CKAP5: variants seen among roughly 807,000 people sequenced by gnomAD.
CKAP5 encodes cytoskeleton associated protein 5, also known as cytoskeleton-associated protein 5.
In CKAP5, 27 loss-of-function variants were observed where a neutral mutation model predicts 232.8. The observed-to-expected ratio is 0.12, with a 90% confidence interval of 0.09 to 0.16. The LOEUF (loss-of-function observed/expected upper bound fraction) is 0.16. Among genes scored for constraint, CKAP5 ranks in the 10% least tolerant of loss-of-function variants. CKAP5 has a pLI of 1.00. For synonymous variants in CKAP5, 785 were observed against 841.1 expected (o/e 0.93, Z 1.16); for missense variants, 1,838 against 2,424.7 (o/e 0.76, Z 5.08).
chr11:46,829,829 C>CTTTT (rs777216381), intron 1 of CKAP5, among the ~76,000 whole-genome samples: 2 of 128,026 alleles, frequency 1.6e-5, no homozygotes. Flanking sequence ...AGTCTAATTC[C>CTTTT]TTTTTTGTAT....
intron 1 of CKAP5, among the ~76,000 whole-genome samples, chr11:46,831,861 CTTTT>C (rs71042624): frequency 1.7e-5 from 2 of 119,054 alleles, no homozygotes; most frequent in Admixed American, 9.5e-5. Context: ...TAAACTTATC[CTTTT>C]TTTTTTTTTT....
intron 31 of CKAP5, 168 bp from the exon 32 acceptor site, chr11:46,762,361 G>T: frequency 1.1e-6 from 1 of 886,824 alleles, no homozygotes; most frequent in Non-Finnish European, 1.9e-6. Context: ...TGGTATTTCA[G>T]CAAGTGCTCC....
chr11:46,808,339 A>G (rs1218254858), intron 7 of CKAP5, among the ~76,000 whole-genome samples, 195 bp from the exon 8 acceptor site: 1 of 152,204 alleles, frequency 6.6e-6, no homozygotes, highest in Admixed American at 6.5e-5. Context: ...CAGGAGATCG[A>G]GACCATCCTG....
chr11:46,815,744 T>C (rs188797473), intron 4 of CKAP5, among the ~76,000 whole-genome samples: 65 of 152,364 alleles, frequency 4.3e-4, no homozygotes, highest in Middle Eastern at 3.4e-3. Flanking sequence ...ACTTTCCTTA[T>C]TCAGGTCACT....
intron 1 of CKAP5, among the ~76,000 whole-genome samples, chr11:46,831,928 G>A (rs1008956355): frequency 3.3e-5 from 5 of 150,290 alleles, no homozygotes; most frequent in African/African-American, 7.4e-5. Context: ...GCAGTAGCAG[G>A]AACATGGCTC....
intron 1 of CKAP5, among the ~76,000 whole-genome samples, chr11:46,841,267 CAA>C (rs763747323): frequency 2.3e-4 from 24 of 105,420 alleles, no homozygotes; most frequent in Non-Finnish European, 2.4e-4. Context: ...AATTCTGTCT[CAA>C]AAAAAAAAAA....
intron 32 of CKAP5, among the ~76,000 whole-genome samples, chr11:46,761,786 T>C (rs1388730933): frequency 6.6e-6 from 1 of 152,214 alleles, no homozygotes; most frequent in Non-Finnish European, 1.5e-5. Flanking sequence ...TTGCTATGAA[T>C]AGAATGCTCA....
rs397848056 is a variant in CKAP5 at position 46,816,786 on chromosome 11, A to ATT, written c.252-384_252-383dup. On this transcript the variant is annotated intron_variant, in intron 3 of 43. Coordinates refer to ENST00000529230, the MANE Select transcript of CKAP5 (RefSeq NM_001008938.4). ...TAGGGTTACAGAATGCTTGCTTTCA[A>ATT]TTTTTTTTTTTTTTTTTTTTTTTTA... is the stretch of plus-strand genomic sequence containing the variant. Among the ~76,000 whole-genome samples, 351 of 127,170 alleles carry ATT rather than the reference A, an allele frequency of 2.8e-3. 1 individual carries two copies. Among genetic ancestry groups the ATT allele is most frequent in the African/African-American group, 9.4e-3 (313 of 33,468 alleles). The allele number at this position is 127,170 out of a possible 152,430, so 83.4% of individuals were successfully genotyped here. A position where few individuals can be genotyped will look rare whatever the true frequency, so the allele number is the denominator to read the frequency against.
At chr11:46,759,141 A>G in intron 34 of CKAP5, 98 bp from the exon 35 acceptor site, 1 of 1,517,690 alleles carries the variant, frequency 6.6e-7, no homozygotes, top group African/African-American at 1.4e-5. Flanking sequence ...GTCTTAGTTA[A>G]CAACTGCTAT....
chr11:46,787,820 G>A (rs1253767360), intron 16 of CKAP5, among the ~76,000 whole-genome samples: 1 of 151,968 alleles, frequency 6.6e-6, no homozygotes, highest in Non-Finnish European at 1.5e-5. Flanking sequence ...GAACAACATG[G>A]GTTTGAACTG....
chr11:46,747,073 G>A (rs2065027939), intron 42 of CKAP5, among the ~76,000 whole-genome samples: 1 of 151,658 alleles, frequency 6.6e-6, no homozygotes, highest in Non-Finnish European at 1.5e-5. Context: ...GGAGGTGGAG[G>A]TTGCAGTGAG....
chr11:46,839,546 T>C (rs540894899), intron 1 of CKAP5, among the ~76,000 whole-genome samples: 101 of 152,310 alleles, frequency 6.6e-4, no homozygotes, highest in African/African-American at 2.3e-3. Flanking sequence ...ATCTTCCATA[T>C]GGTAAATGCC....
intron 1 of CKAP5, among the ~76,000 whole-genome samples, chr11:46,831,752 G>A (rs1300917900): frequency 4.0e-5 from 6 of 151,382 alleles, no homozygotes; most frequent in Admixed American, 2.6e-4. Context: ...GGCTGGTCTC[G>A]AACTCCCAGG....
chr11:46,763,310 C>A, intron 29 of CKAP5, 131 bp from the exon 30 acceptor site: 2 of 995,146 alleles, frequency 2.0e-6, no homozygotes, highest in Non-Finnish European at 2.9e-6. Context: ...TCAATTAAGA[C>A]CTAAAAAATA....
At chr11:46,823,716 G>C (rs111379464) in intron 1 of CKAP5, among the ~76,000 whole-genome samples, 3,411 of 152,224 alleles carry the variant, frequency 0.022, 123 homozygotes, top group African/African-American at 0.078. Flanking sequence ...CGCCTCCCGG[G>C]TTCAAGTGAT....
chr11:46,809,972 TTTC>T (rs1281804634), intron 5 of CKAP5, 98 bp from the exon 6 acceptor site: 23 of 1,210,686 alleles, frequency 1.9e-5, no homozygotes, highest in Non-Finnish European at 2.4e-5. Context: ...ACCCAATTTC[TTTC>T]TTTTTTTTTT....
chr11:46,769,982 G>A lies in CKAP5; in HGVS notation c.3303C>T (p.Ala1101=). The part of the protein sequence containing the change: ...TSKPMGGSAP[A]KFQPASAPAE... ...AGTTACCTGATGCAGGCTGGAATTT[G>A]GCTGGAGCGGACCCTCCCATTGGTT... Residue 1101 remains alanine, a synonymous_variant, in exon 26 of 44, where the codon GCC becomes GCT. Coordinates refer to ENST00000529230, the MANE Select transcript of CKAP5 (RefSeq NM_001008938.4). 1 of 1,614,136 alleles carries A rather than the reference G, an allele frequency of 6.2e-7. No individual in the cohort carries two copies. The highest frequency in any genetic ancestry group is 8.5e-7 in the Non-Finnish European group (1 of 1,180,004).
At chr11:46,844,355 C>T (rs1940128236) in intron 1 of CKAP5, among the ~76,000 whole-genome samples, 1 of 152,094 alleles carries the variant, frequency 6.6e-6, no homozygotes, top group Non-Finnish European at 1.5e-5. Context: ...ACCTACAAGC[C>T]CTACGCCTCT....
intron 1 of CKAP5, among the ~76,000 whole-genome samples, chr11:46,823,232 G>A (rs1260444573): frequency 2.0e-5 from 3 of 152,036 alleles, no homozygotes; most frequent in African/African-American, 4.8e-5. Context: ...GTGAGCCACC[G>A]CACCCACCCC....
Sources: gnomAD v4.1 joint callset for allele counts (sites outside exome capture counted in the v4.1 genomes callset) on GRCh38, gnomAD v4.1.1 for gene constraint, MANE v1.5 for transcripts, NCBI Gene and HGNC (gene_info 2026-07-23, HGNC 2026-07-21) for gene names.